CUX2: variants seen among roughly 807,000 people sequenced by gnomAD.
CUX2 encodes the protein cut like homeobox 2, also known as homeobox protein cut-like 2.
A neutral mutation model predicts 144.8 loss-of-function variants in CUX2; 40 were observed. The observed-to-expected ratio is 0.28, with a 90% confidence interval of 0.21 to 0.36. CUX2 has a LOEUF of 0.36. Ranked by LOEUF, CUX2 falls within the 10% of genes least tolerant of loss-of-function variation. The pLI, the probability that CUX2 is intolerant of heterozygous loss-of-function variation, is 1.00. For missense variants in CUX2, 1,615 were observed against 1,994.0 expected (o/e 0.81, Z 3.62); for synonymous variants, 827 against 875.6 (o/e 0.94, Z 0.98).
At chr12:111,154,858 G>T (rs145422704) in intron 1 of CUX2, among the ~76,000 whole-genome samples, 138 of 152,290 alleles carry the variant, frequency 9.1e-4, no homozygotes, top group Middle Eastern at 3.4e-3. Context: ...TGTTTGGGGA[G>T]GCCAGAGATG....
rs1879794769 is a variant in CUX2, at chr12:111,190,228, T to C, written c.64-23972T>C. Among the ~76,000 whole-genome samples, 1 of 152,176 alleles carries C rather than the reference T, an allele frequency of 6.6e-6. No individual in the cohort carries two copies. Among genetic ancestry groups the C allele is most frequent in the South Asian group, 2.1e-4 (1 of 4,818 alleles). ...TTGATTCTGCACACATCAGATAAAC[T>C]GTACATTCCTTCTCTCTCTCTGTGG... is the stretch of plus-strand genomic sequence containing the variant. On this transcript the variant is annotated intron_variant, in intron 1 of 21. Transcript: ENST00000261726. This position sits in a 1 kb window ranked among gnomAD's most constrained non-coding sequence, Gnocchi z 4.0.
chr12:111,345,939 G>A (rs562988273), intron 21 of CUX2, among the ~76,000 whole-genome samples: 30 of 143,688 alleles, frequency 2.1e-4, no homozygotes, highest in Middle Eastern at 5.7e-3. Flanking sequence ...GTGAAACCCC[G>A]TCTCTACTAA....
intron 1 of CUX2, among the ~76,000 whole-genome samples, chr12:111,129,285 G>A (rs1875291257): frequency 6.6e-6 from 1 of 152,244 alleles, no homozygotes. Flanking sequence ...GTGAAATCTT[G>A]TGGAAGGGAA....
intron 3 of CUX2, among the ~76,000 whole-genome samples, chr12:111,247,917 G>A (rs1883355880): frequency 2.0e-5 from 3 of 152,152 alleles, no homozygotes; most frequent in African/African-American, 7.2e-5. Context: ...TTGTTTCTTT[G>A]TTTTTGAGAC....
Position 111,320,009 on chromosome 12 carries a change from C to T in CUX2, c.2003-3C>T, listed in dbSNP as rs1283773408. Reference sequence around the variant, plus strand: ...TCGGGCCGTCCTGTCCCCCTCCCCGCAGGCGAGCCCAAGACCTCGGTGGCC... The same window carrying T: ...TCGGGCCGTCCTGTCCCCCTCCCCGTAGGCGAGCCCAAGACCTCGGTGGCC... On this transcript the variant is annotated splice_region_variant and splice_polypyrimidine_tract_variant and intron_variant, in intron 16 of 21. Transcript: ENST00000261726. The surrounding 1 kb of genome is among the most constrained non-coding windows in gnomAD (Gnocchi z 8.1). The T allele has an allele frequency of 3.3e-6, 5 of 1,506,838 alleles. No individual in the cohort carries two copies. The highest frequency in any genetic ancestry group is 4.4e-6 in the Non-Finnish European group (5 of 1,134,516). 93.3% of individuals were successfully genotyped at this position (1,506,838 alleles called of 1,614,324 possible).
rs1445106287 is a variant in CUX2 at position 111,320,426 on chromosome 12, C to T, written c.2417C>T (p.Ser806Leu). Residue 806 changes from serine (S) to leucine (L), a missense_variant, in exon 17 of 22, where the codon TCG becomes TTG. Ser to Leu is a moderately radical substitution (Grantham distance 145). Around this residue, in one of 12 missense-constraint regions of CUX2, gnomAD observed 390 missense variants for 387.1 expected, o/e 1.01. Transcript: ENST00000261726. This position sits in a 1 kb window ranked among gnomAD's most constrained non-coding sequence, Gnocchi z 8.1. Reference sequence around the variant, plus strand: ...CGCCCCTACGCCTCCGTGTCGCCCTCGCTGTCCTCCTCCTCCTCCTCTGGC... The same window carrying T: ...CGCCCCTACGCCTCCGTGTCGCCCTTGCTGTCCTCCTCCTCCTCCTCTGGC... ...LSRPYASVSPSLSSSSSSGYS... is the reference protein window; with the variant it reads ...LSRPYASVSPLLSSSSSSGYS... 3.1e-6 allele frequency: 5 copies of T among 1,597,238 alleles called. No individual in the cohort carries two copies. Among genetic ancestry groups the T allele is most frequent in the Non-Finnish European group, 4.2e-6 (5 of 1,178,712 alleles).
At chr12:111,333,037 G>C (rs1022996654) in intron 18 of CUX2, among the ~76,000 whole-genome samples, 1 of 152,018 alleles carries the variant, frequency 6.6e-6, no homozygotes, top group Non-Finnish European at 1.5e-5. Context: ...GTGGAACCCC[G>C]TCTCTACTAA....
chr12:111,103,301 C>A (rs530839489), intron 1 of CUX2, among the ~76,000 whole-genome samples: 1 of 152,304 alleles, frequency 6.6e-6, no homozygotes, highest in Non-Finnish European at 1.5e-5. Context: ...CTGATGGAAG[C>A]ATCTTCCCTT....
At chr12:111,047,438 T>C (rs1870053111) in intron 1 of CUX2, among the ~76,000 whole-genome samples, 1 of 152,192 alleles carries the variant, frequency 6.6e-6, no homozygotes, top group South Asian at 2.1e-4. Flanking sequence ...TTATAAGCTC[T>C]TTCTTTCCAT....
chr12:111,092,722 A>G (rs1368141015), intron 1 of CUX2, among the ~76,000 whole-genome samples: 1 of 151,986 alleles, frequency 6.6e-6, no homozygotes, highest in Non-Finnish European at 1.5e-5. Context: ...GCAGAGGCTA[A>G]TCTTTGCAGT....
intron 1 of CUX2, among the ~76,000 whole-genome samples, chr12:111,094,589 T>G (rs1201305002): frequency 6.6e-6 from 1 of 152,108 alleles, no homozygotes; most frequent in African/African-American, 2.4e-5. Context: ...ACTCAACCCC[T>G]TAGGCTCAAG....
In CUX2 at chr12:111,289,873, G is replaced by A. The variant is rs979589664; in HGVS notation, c.302-1545G>A. Reference sequence around the variant, plus strand: ...GAGCAGGAAGGCTGGGAGAGCTCGCGGAGAGGTGGGGCAGCTGCCTGGGAG... The same window carrying A: ...GAGCAGGAAGGCTGGGAGAGCTCGCAGAGAGGTGGGGCAGCTGCCTGGGAG... On this transcript the variant is annotated intron_variant, in intron 4 of 21. Transcript: ENST00000261726. The surrounding 1 kb of genome is among the most constrained non-coding windows in gnomAD (Gnocchi z 4.1). 2.0e-5 allele frequency among the ~76,000 whole-genome samples: 3 copies of A among 152,082 alleles called. No individual in the cohort carries two copies. Among genetic ancestry groups the A allele is most frequent in the Admixed American group, 6.6e-5 (1 of 15,260 alleles).
At position 111,156,716 on chromosome 12, in the gene CUX2, G is replaced by A. The variant is rs559543884; in HGVS notation, c.64-57484G>A. The stretch of plus-strand genomic sequence containing the variant: ...AACAAAGCCGAGTGCGGTGGCTCAC[G>A]CCTGTAATCCCAGCACTTTGGGAGG... On this transcript the variant is annotated intron_variant, in intron 1 of 21. Coordinates refer to ENST00000261726, the MANE Select transcript of CUX2 (RefSeq NM_015267.4). 5.3e-5 allele frequency among the ~76,000 whole-genome samples: 8 copies of A among 152,216 alleles called. No homozygotes were observed. In the South Asian group the frequency reaches 1.7e-3, roughly 32 times the overall value.
At chr12:111,162,496 T>C (rs985551572) in intron 1 of CUX2, among the ~76,000 whole-genome samples, 8 of 152,336 alleles carry the variant, frequency 5.3e-5, no homozygotes, top group Non-Finnish European at 1.2e-4. Flanking sequence ...TTGGCCCACT[T>C]TGGGGGCTTG....
intron 1 of CUX2, among the ~76,000 whole-genome samples, chr12:111,142,974 G>GA: frequency 6.6e-6 from 1 of 152,282 alleles, no homozygotes; most frequent in Admixed American, 6.5e-5. Flanking sequence ...CGAGTGCCTA[G>GA]AAGGTGTTCG....
intron 3 of CUX2, among the ~76,000 whole-genome samples, chr12:111,252,278 C>G (rs943719112): frequency 6.6e-6 from 1 of 152,216 alleles, no homozygotes; most frequent in African/African-American, 2.4e-5. Context: ...CGGCCCATAG[C>G]CCAGCACCTT....
At chr12:111,127,469 C>T (rs1351660473) in intron 1 of CUX2, among the ~76,000 whole-genome samples, 3 of 152,200 alleles carry the variant, frequency 2.0e-5, no homozygotes, top group Admixed American at 6.5e-5. Context: ...CTGATAGGGT[C>T]GTCACATCAG....
In CUX2 at chr12:111,312,235, C is replaced by T; in HGVS notation, c.2002+34C>T. The T allele has an allele frequency of 3.2e-6, 5 of 1,551,864 alleles. No homozygotes were observed. Among genetic ancestry groups the T allele is most frequent in the Middle Eastern group, 1.7e-4 (1 of 5,942 alleles). Reference sequence around the variant, plus strand: ...GACCCCTGCAGGCAAAGCCTGAGGCCCCCGGGGCCAGCTGCGAACAGGAGA... The same window carrying T: ...GACCCCTGCAGGCAAAGCCTGAGGCTCCCGGGGCCAGCTGCGAACAGGAGA... On this transcript the variant is annotated intron_variant, in intron 16 of 21. Transcript: ENST00000261726. This position sits in a 1 kb window ranked among gnomAD's most constrained non-coding sequence, Gnocchi z 4.3.
At chr12:111,217,421 G>A (rs2136228536) in intron 2 of CUX2, among the ~76,000 whole-genome samples, 1 of 152,302 alleles carries the variant, frequency 6.6e-6, no homozygotes, top group East Asian at 1.9e-4. Context: ...CAACCTGAAA[G>A]AGGCAGCCCC....
Sources: allele counts gnomAD v4.1 joint callset (sites outside exome capture counted in the v4.1 genomes callset), GRCh38; gene constraint gnomAD v4.1.1; regional missense constraint gnomAD v4.1.1; non-coding constraint Gnocchi (gnomAD v3.1); transcripts MANE v1.5; gene names NCBI Gene and HGNC (gene_info 2026-07-23, HGNC 2026-07-21).